GRID2: variants seen among roughly 807,000 people sequenced by gnomAD.
GRID2 encodes glutamate receptor ionotropic, delta-2.
In GRID2, 33 loss-of-function variants were observed where a neutral mutation model predicts 114.8. That is an observed-to-expected ratio of 0.29 (90% CI 0.22 to 0.38). GRID2 has a LOEUF of 0.38. GRID2 is among the 10% of genes least tolerant of loss of function. The pLI is 1.00. For synonymous variants in GRID2, 505 were observed against 449.9 expected, an observed-to-expected ratio of 1.12 and a Z score of -1.55; for missense variants, 1,184 against 1,257.7, an observed-to-expected ratio of 0.94 and a Z score of 0.89.
At chr4:93,220,312 G>A (rs1744727976) in intron 6 of GRID2, among the ~76,000 whole-genome samples, 1 of 151,800 alleles carries the variant, frequency 6.6e-6, no homozygotes, top group South Asian at 2.1e-4. Flanking sequence ...TTTATGTGGT[G>A]TTTGACAAAT....
chr4:92,826,085 G>T (rs1397221499), intron 2 of GRID2, among the ~76,000 whole-genome samples: 1 of 152,198 alleles, frequency 6.6e-6, no homozygotes, highest in South Asian at 2.1e-4. Context: ...CTTTCATTCA[G>T]AGTAAATGCC....
intron 4 of GRID2, among the ~76,000 whole-genome samples, chr4:93,143,086 A>C (rs1352978475): frequency 6.6e-6 from 1 of 152,248 alleles, no homozygotes; most frequent in African/African-American, 2.4e-5. Context: ...GTCTTGCCCC[A>C]GAAGGAGGCA....
intron 1 of GRID2, among the ~76,000 whole-genome samples, chr4:92,500,708 G>A (rs921963378): frequency 2.1e-4 from 32 of 152,072 alleles, no homozygotes; most frequent in Admixed American, 2.0e-4. Context: ...ATCTTTGTCC[G>A]CCAGAAGCCA....
At chr4:93,511,583 T>C (rs1036112563) in intron 12 of GRID2, among the ~76,000 whole-genome samples, 13 of 152,168 alleles carry the variant, frequency 8.5e-5, no homozygotes, top group Non-Finnish European at 1.8e-4. Context: ...ATTTTTTTAC[T>C]GTGTGCATGA....
At position 92,365,794 on chromosome 4, in the gene GRID2, A is replaced by C. The variant is rs192007526; in HGVS notation, c.88+61050A>C. Among the ~76,000 whole-genome samples, 882 of 152,158 alleles carry C rather than the reference A, an allele frequency of 5.8e-3. 12 individuals are homozygous for C. The highest frequency in any genetic ancestry group is 0.02 in the African/African-American group (827 of 41,534). ...GTTTATAAAATAATATTAACCAAAA[A>C]TAAATAATCAGCATATAATAGTGCT... On this transcript the variant is annotated intron_variant, in intron 1 of 15. Coordinates refer to ENST00000282020, the MANE Select transcript of GRID2 (RefSeq NM_001510.4).
At chr4:92,939,485 A>G (rs999981054) in intron 2 of GRID2, among the ~76,000 whole-genome samples, 3 of 146,882 alleles carry the variant, frequency 2.0e-5, no homozygotes, top group Admixed American at 7.4e-5. Context: ...AGATGAGTAG[A>G]TTGCAAAAAT....
chr4:93,499,303 T>C (rs1727869938), intron 12 of GRID2, among the ~76,000 whole-genome samples: 1 of 151,922 alleles, frequency 6.6e-6, no homozygotes, highest in African/African-American at 2.4e-5. Context: ...CTCTTCCCAA[T>C]AGAGTTTATC....
chr4:92,489,844 TAAAA>T (rs34912004), intron 1 of GRID2, among the ~76,000 whole-genome samples: 1 of 132,660 alleles, frequency 7.5e-6, no homozygotes. Context: ...AGACTCCATT[TAAAA>T]AAAAAAAAAA....
chr4:92,958,538 A>G (rs1350812842), intron 2 of GRID2, among the ~76,000 whole-genome samples: 1 of 152,042 alleles, frequency 6.6e-6, no homozygotes, highest in Non-Finnish European at 1.5e-5. Flanking sequence ...CATGGCATAC[A>G]ATTCTTTTTA....
At chr4:93,226,670 C>T (rs1479260837) in intron 7 of GRID2, among the ~76,000 whole-genome samples, 1 of 152,064 alleles carries the variant, frequency 6.6e-6, no homozygotes, top group Non-Finnish European at 1.5e-5. Flanking sequence ...TTCCATAGCT[C>T]CAGTAGTCAT....
intron 4 of GRID2, among the ~76,000 whole-genome samples, chr4:93,193,220 C>G (rs1445994723): frequency 1.3e-5 from 2 of 152,126 alleles, no homozygotes; most frequent in African/African-American, 4.8e-5. Flanking sequence ...CCCAGAATTA[C>G]AGTTGTCAGC....
At chr4:92,399,143 G>A (rs1469206113) in intron 1 of GRID2, among the ~76,000 whole-genome samples, 1 of 152,048 alleles carries the variant, frequency 6.6e-6, no homozygotes, top group Non-Finnish European at 1.5e-5. Flanking sequence ...AAGGACCCTC[G>A]GGGTATGTCA....
chr4:93,485,857 C>T (rs1009537301), intron 11 of GRID2, among the ~76,000 whole-genome samples: 1 of 151,628 alleles, frequency 6.6e-6, no homozygotes, highest in African/African-American at 2.4e-5. Flanking sequence ...ACTTTACATT[C>T]AGCTTCAAGC....
intron 1 of GRID2, among the ~76,000 whole-genome samples, chr4:93,790,838 G>A (rs559812457): frequency 6.6e-6 from 1 of 152,266 alleles, no homozygotes; most frequent in Middle Eastern, 3.4e-3. Context: ...CCCTAGGCAA[G>A]TTACTGAACG....
intron 1 of GRID2, among the ~76,000 whole-genome samples, chr4:92,354,852 A>G (rs542804376): frequency 6.6e-6 from 1 of 152,072 alleles, no homozygotes; most frequent in East Asian, 1.9e-4. Flanking sequence ...AAGGGGACTT[A>G]TAGGTCAATG....
At chr4:92,635,432 G>A (rs1731022276) in intron 2 of GRID2, among the ~76,000 whole-genome samples, 1 of 151,992 alleles carries the variant, frequency 6.6e-6, no homozygotes, top group Non-Finnish European at 1.5e-5. Flanking sequence ...TTTAAGTATA[G>A]GAACATCTCT....
chr4:93,805,589 T>C (rs1256421668), intron 1 of GRID2, among the ~76,000 whole-genome samples: 1 of 152,222 alleles, frequency 6.6e-6, no homozygotes, highest in Non-Finnish European at 1.5e-5. Flanking sequence ...AAGATTTTGA[T>C]AAACATGAAA....
At chr4:93,524,823 G>GTA (rs1300787035) in intron 13 of GRID2, among the ~76,000 whole-genome samples, 5,645 of 59,914 alleles carry the variant, frequency 0.094, 436 homozygotes, top group East Asian at 0.12. Flanking sequence ...ATGTATGTAT[G>GTA]TATATATATA....
chr4:92,413,689 C>G (rs1731446920), intron 1 of GRID2, among the ~76,000 whole-genome samples: 1 of 151,972 alleles, frequency 6.6e-6, no homozygotes, highest in Non-Finnish European at 1.5e-5. Context: ...AGTTGTAATT[C>G]TGTAAAATGA....
Sources: gnomAD v4.1 joint callset for allele counts (sites outside exome capture counted in the v4.1 genomes callset) on GRCh38, gnomAD v4.1.1 for gene constraint, MANE v1.5 for transcripts, NCBI Gene and HGNC (gene_info 2026-07-23, HGNC 2026-07-21) for gene names.